NOL11: variants seen among roughly 807,000 people sequenced by gnomAD.
NOL11 encodes the protein nucleolar protein 11.
In NOL11, 42 loss-of-function variants were observed where a neutral mutation model predicts 93.0. That is an observed-to-expected ratio of 0.45 (90% CI 0.35 to 0.58). The LOEUF (loss-of-function observed/expected upper bound fraction) is 0.58, where lower values mean the gene tolerates loss of function less well. NOL11 is among the 20% of genes least tolerant of loss of function. NOL11 has a pLI of 0.00. For missense variants in NOL11, 775 were observed against 841.8 expected (o/e 0.92, Z 0.98); for synonymous variants, 296 against 293.7 (o/e 1.01, Z -0.08).
At position 67,735,954 on chromosome 17, in the gene NOL11, A is replaced by T; in HGVS notation, c.985A>T (p.Ile329Phe). 1 of 1,612,058 alleles carries T rather than the reference A, an allele frequency of 6.2e-7. No individual in the cohort carries two copies. The highest frequency in any genetic ancestry group is 8.5e-7 in the Non-Finnish European group (1 of 1,178,490). The change falls in exon 9 of 18, where the codon ATT (isoleucine) becomes TTT (phenylalanine). Residue 329 changes from isoleucine (I) to phenylalanine (F), a missense_variant. Coordinates refer to ENST00000253247, the MANE Select transcript of NOL11 (RefSeq NM_015462.5). The part of the protein sequence containing the change: ...FMLHGKSLTV[I>F]PYKCEVSSLA... The stretch of plus-strand genomic sequence containing the variant: ...GCTACATGGAAAATCTCTAACTGTG[A>T]TTCCATACAAGTGTGAAGTGTCATC...
intron 7 of NOL11, among the ~76,000 whole-genome samples, chr17:67,727,578 A>T (rs1446784328): frequency 1.3e-5 from 2 of 151,678 alleles, no homozygotes; most frequent in African/African-American, 4.8e-5. Flanking sequence ...GATCGCTTGA[A>T]CCTGGGAGGT....
At chr17:67,718,357 G>A (rs2043191874) in intron 1 of NOL11, among the ~76,000 whole-genome samples, 1 of 152,126 alleles carries the variant, frequency 6.6e-6, no homozygotes, top group East Asian at 1.9e-4. Context: ...CTTTTGCTTC[G>A]GAACTCGCGG....
chr17:67,719,482 A>AACTCCTGACCTCGTGATTTGCCC (rs2043201304), intron 1 of NOL11, 192 bp from the exon 2 acceptor site: 1 of 395,250 alleles, frequency 2.5e-6, no homozygotes, highest in Non-Finnish European at 4.7e-6. Flanking sequence ...GCTGGTCTCG[A>AACTCCTGACCTCGTGATTTGCCC]ACTCCTGACC....
chr17:67,737,747 T>C, intron 12 of NOL11, 55 bp downstream of exon 12: 1 of 1,583,598 alleles, frequency 6.3e-7, no homozygotes, highest in Non-Finnish European at 8.6e-7. Context: ...ACCTTGTTTT[T>C]TATAGTTCTA....
intron 5 of NOL11, among the ~76,000 whole-genome samples, chr17:67,723,414 A>C (rs2055054547): frequency 1.2e-5 from 1 of 82,346 alleles, no homozygotes; most frequent in Non-Finnish European, 2.1e-5. Context: ...TTTTGAGACG[A>C]TTCTCCCTCT....
intron 7 of NOL11, among the ~76,000 whole-genome samples, chr17:67,728,670 T>A (rs2055122418): frequency 1.3e-5 from 2 of 151,704 alleles, no homozygotes; most frequent in Admixed American, 1.3e-4. Flanking sequence ...ACTTAAGGGG[T>A]TTTTTCCCCT....
At chr17:67,742,986 A>G (rs2055269544) in intron 16 of NOL11, among the ~76,000 whole-genome samples, 1 of 152,250 alleles carries the variant, frequency 6.6e-6, no homozygotes, top group South Asian at 2.1e-4. Flanking sequence ...TCAAGCCTGT[A>G]GTCTTAGCAC....
In NOL11 at chr17:67,737,645, C is replaced by A. The variant is rs1251549260; in HGVS notation, c.1356C>A (p.Pro452=). The change falls in exon 12 of 18, where the codon CCC becomes CCA. Residue 452 remains proline, a synonymous_variant. Transcript: ENST00000253247. ...ERCKAEPSFY[P]RNCLMQLIQT... ...GTAAAGCAGAACCATCATTTTATCCCCGGAACTGTCTGATGCAGCTTATCC... is the reference window on the plus strand; with the variant it reads ...GTAAAGCAGAACCATCATTTTATCCACGGAACTGTCTGATGCAGCTTATCC... 11 of 1,614,010 alleles carry A rather than the reference C, an allele frequency of 6.8e-6. No homozygotes were observed. The highest frequency in any genetic ancestry group is 9.3e-6 in the Non-Finnish European group (11 of 1,180,012).
chr17:67,742,162 G>C (rs2055262596), intron 16 of NOL11, among the ~76,000 whole-genome samples: 1 of 152,168 alleles, frequency 6.6e-6, no homozygotes, highest in African/African-American at 2.4e-5. Flanking sequence ...GAAGAGTTGT[G>C]ACAACTACCA....
intron 2 of NOL11, 31 bp downstream of exon 2, chr17:67,719,818 C>T (rs1555591312): frequency 1.4e-6 from 2 of 1,476,934 alleles, no homozygotes; most frequent in South Asian, 1.2e-5. Flanking sequence ...ATAATATATA[C>T]AATATAAATG....
intron 6 of NOL11, among the ~76,000 whole-genome samples, chr17:67,725,799 A>T (rs546907667): frequency 1.3e-5 from 2 of 152,300 alleles, no homozygotes; most frequent in East Asian, 3.9e-4. Context: ...ATTATAATAA[A>T]CTAAGCACAC....
chr17:67,726,478 A>G lies in NOL11; in HGVS notation c.683A>G (p.Tyr228Cys), dbSNP rs754659334. Residue 228 changes from tyrosine (Y) to cysteine (C), a missense_variant, in exon 7 of 18, where the codon TAT becomes TGT. Physicochemically the swap from Tyr to Cys is radical, Grantham distance 194. This residue lies in a region of NOL11 where 359 missense variants were observed against 316.5 expected (regional missense o/e 1.13). Transcript: ENST00000253247. Reference sequence around the variant, plus strand: ...CCAACAGGCTCTGATGGTTGTATATATGAAACCTTGATACCAATACGTCCA... The same window carrying G: ...CCAACAGGCTCTGATGGTTGTATATGTGAAACCTTGATACCAATACGTCCA... ...LMSLSSDGCI[Y>C]ETLIPIRPAD... The G allele has an allele frequency of 5.6e-6, 9 of 1,612,758 alleles. No individual in the cohort carries two copies. The highest frequency in any genetic ancestry group is 2.7e-5 in the African/African-American group (2 of 74,874).
chr17:67,718,174 C>T, intron 1 of NOL11, 86 bp downstream of exon 1: 1 of 1,547,930 alleles, frequency 6.5e-7, no homozygotes, highest in Non-Finnish European at 8.8e-7. Context: ...CTCACAGCTT[C>T]AGAAAGAGAT....
chr17:67,721,525 AAG>A lies in NOL11; in HGVS notation c.461_461+1del, dbSNP rs1177395700. ...TGTTATCTCTGATGAAGAAGTGATTAAGTAAGTTCCAGTACTTGTAAGTAAAT... is the reference window on the plus strand; with the variant it reads ...TGTTATCTCTGATGAAGAAGTGATTATAAGTTCCAGTACTTGTAAGTAAAT... On this transcript the variant is annotated splice_donor_variant and coding_sequence_variant, in exon 4 of 18. Transcript: ENST00000253247. LOFTEE classifies it high-confidence loss of function. The A allele has an allele frequency of 1.9e-5, 31 of 1,610,130 alleles. No homozygotes were observed. The highest frequency in any genetic ancestry group is 2.6e-5 in the Non-Finnish European group (31 of 1,178,504).
Position 67,717,962 on chromosome 17 carries a change from G to A in NOL11, c.15G>A (p.Glu5=), listed in dbSNP as rs568983818. MAAL[E]EEFTLSSVVL... Reference sequence around the variant, plus strand: ...GTTTGCTCAAAATGGCAGCGCTGGAGGAAGAATTCACGTTGTCTTCGGTAG... The same window carrying A: ...GTTTGCTCAAAATGGCAGCGCTGGAAGAAGAATTCACGTTGTCTTCGGTAG... The change falls in exon 1 of 18, where the codon GAG becomes GAA. Residue 5 remains glutamate (E), a synonymous_variant. Transcript: ENST00000253247. 7.4e-6 allele frequency: 12 copies of A among 1,614,214 alleles called. No homozygotes were observed. Among genetic ancestry groups the A allele is most frequent in the Non-Finnish European group, 9.3e-6 (11 of 1,180,024 alleles).
At chr17:67,727,590 G>A (rs1050402689) in intron 7 of NOL11, among the ~76,000 whole-genome samples, 2 of 152,046 alleles carry the variant, frequency 1.3e-5, no homozygotes, top group African/African-American at 2.4e-5. Context: ...CTGGGAGGTG[G>A]AGGTCGCAGT....
At chr17:67,718,852 T>C (rs956972803) in intron 1 of NOL11, among the ~76,000 whole-genome samples, 11 of 152,214 alleles carry the variant, frequency 7.2e-5, no homozygotes, top group African/African-American at 2.7e-4. Context: ...CTGCTAACTC[T>C]ATTGGGTTTC....
In NOL11 at chr17:67,718,026, C is replaced by G; in HGVS notation, c.79C>G (p.Gln27Glu). The G allele has an allele frequency of 6.2e-7, 1 of 1,614,230 alleles. No homozygotes were observed. The highest frequency in any genetic ancestry group is 1.1e-5 in the South Asian group (1 of 91,086). ...GCCTGAAGGACTCCTAGGCGTGGAG[C>G]AGAGCGACAAAACAGACCAGTTTCT... ...AGPEGLLGVE[Q>E]SDKTDQFLVT... The change falls in exon 1 of 18, where the codon CAG becomes GAG. Residue 27 changes from glutamine (Q) to glutamate (E), a missense_variant. Gln to Glu is a conservative substitution (Grantham distance 29, BLOSUM62 2). Coordinates refer to ENST00000253247, the MANE Select transcript of NOL11 (RefSeq NM_015462.5).
chr17:67,722,562 T>C lies in NOL11; in HGVS notation c.462-18T>C, dbSNP rs2043225661. 1 of 1,564,134 alleles carries C rather than the reference T, an allele frequency of 6.4e-7. No homozygotes were observed. The highest frequency in any genetic ancestry group is 8.6e-7 in the Non-Finnish European group (1 of 1,165,188). ...TGATTTTTGCATCCTATAATTTTTCTTTTTTCTTTTTTTGTAGATGGACAA... is the reference window on the plus strand; with the variant it reads ...TGATTTTTGCATCCTATAATTTTTCCTTTTTCTTTTTTTGTAGATGGACAA... On this transcript the variant is annotated intron_variant, in intron 4 of 17. Transcript: ENST00000253247.
Sources: gnomAD v4.1 joint callset for allele counts (sites outside exome capture counted in the v4.1 genomes callset) on GRCh38, gnomAD v4.1.1 for gene constraint, gnomAD v4.1.1 regional missense constraint, MANE v1.5 for transcripts, NCBI Gene and HGNC (gene_info 2026-07-23, HGNC 2026-07-21) for gene names.